The following SH3RF1 variants were observed in gnomAD, a reference collection of about 807,000 sequenced individuals.
SH3RF1 encodes the protein SH3 domain containing ring finger 1.
SH3RF1 carries 32 observed loss-of-function variants against 74.0 expected under a neutral mutation model. The ratio of observed to expected loss-of-function variants is 0.43; its 90% confidence interval spans 0.33 to 0.58. SH3RF1 has a LOEUF of 0.58. Ranked by LOEUF, SH3RF1 falls within the 20% of genes least tolerant of loss-of-function variation. The probability of loss-of-function intolerance (pLI) is 0.05; values close to 1 mark genes in which losing one functional copy is unlikely to be tolerated. For missense variants in SH3RF1, 954 were observed against 1,130.9 expected (o/e 0.84, Z 2.24); for synonymous variants, 396 against 439.6 (o/e 0.90, Z 1.24).
chr4:169,146,291 G>A (rs553485341), intron 4 of SH3RF1, among the ~76,000 whole-genome samples: 16 of 147,754 alleles, frequency 1.1e-4, no homozygotes, highest in Non-Finnish European at 1.6e-4. Flanking sequence ...GTGCAGTGGC[G>A]CTATCTCAGC....
chr4:169,136,565 A>G lies in SH3RF1; in HGVS notation c.821T>C (p.Val274Ala). The G allele has an allele frequency of 6.3e-7, 1 of 1,591,598 alleles. No homozygotes were observed. The change falls in exon 5 of 12, where the codon GTT becomes GCT. Residue 274 changes from valine (V) to alanine (A), a missense_variant. Val to Ala is a moderately conservative substitution (Grantham distance 64, BLOSUM62 0). Around this residue, in one of 3 missense-constraint regions of SH3RF1, gnomAD observed 854 missense variants for 962.5 expected, o/e 0.89. Transcript: ENST00000284637. ...TGCCGAGGAACATTCTCCAGCATCA[A>G]CTCCTGGCACAGGAGGCTTATCCCA... ...IEWDKPPVPGVDAGECSSAAA... is the reference protein window; with the variant it reads ...IEWDKPPVPGADAGECSSAAA...
intron 2 of SH3RF1, among the ~76,000 whole-genome samples, chr4:169,191,001 A>G (rs1458898851): frequency 6.6e-6 from 1 of 152,182 alleles, no homozygotes; most frequent in Non-Finnish European, 1.5e-5. Context: ...ATGCAGAAAA[A>G]GCATTCGACA....
intron 2 of SH3RF1, among the ~76,000 whole-genome samples, chr4:169,184,145 C>T (rs931955396): frequency 6.6e-6 from 1 of 152,214 alleles, no homozygotes; most frequent in Admixed American, 6.5e-5. Context: ...GGCACTCCCA[C>T]CGGCAGGCTT....
intron 4 of SH3RF1, among the ~76,000 whole-genome samples, chr4:169,153,345 A>G (rs1025499200): frequency 2.6e-5 from 4 of 152,204 alleles, no homozygotes; most frequent in African/African-American, 9.7e-5. Context: ...AATACCTAAC[A>G]CTGATGGAGA....
chr4:169,268,710 T>C, intron 2 of SH3RF1, 110 bp downstream of exon 2: 38 of 1,213,782 alleles, frequency 3.1e-5, no homozygotes, highest in Non-Finnish European at 4.1e-5. Flanking sequence ...TTCCAGTATG[T>C]ATGGTTTCCT....
Position 169,146,232 on chromosome 4 carries a change from C to CATT in SH3RF1, c.765+9247_765+9248insAAT, listed in dbSNP as rs1554005769. Among the ~76,000 whole-genome samples the CATT allele has an allele frequency of 7.6e-4, 101 of 132,608 alleles. 2 individuals carry two copies. Among genetic ancestry groups the CATT allele is most frequent in the South Asian group, 4.8e-3 (21 of 4,402 alleles). The allele number at this position is 132,608 out of a possible 152,430, so 87.0% of individuals were successfully genotyped here. ...ATATATTATATGTTTTATATATATA[C>CATT]TTTTTTTTTTTTTTTGAGACCAAGT... On this transcript the variant is annotated intron_variant, in intron 4 of 11. Coordinates refer to ENST00000284637, the MANE Select transcript of SH3RF1 (RefSeq NM_020870.4).
Position 169,096,434 on chromosome 4 carries a change from GT to G in SH3RF1, c.*84del, listed in dbSNP as rs1447512468. 1.4e-6 allele frequency: 2 copies of G among 1,441,890 alleles called. No homozygotes were observed. The highest frequency in any genetic ancestry group is 2.9e-5 in the African/African-American group (2 of 69,124). 89.3% of individuals were successfully genotyped at this position (1,441,890 alleles called of 1,614,324 possible). A position where few individuals can be genotyped will look rare whatever the true frequency, so the allele number is the denominator to read the frequency against. On this transcript the variant is annotated 3_prime_UTR_variant, in exon 12 of 12. Transcript: ENST00000284637. ...TTGCTCATCTCCTGACCATCTGGAA[GT>G]CCACAAATGTGCTCTTTCTGTTAAA...
At chr4:169,203,796 G>T (rs1734949788) in intron 2 of SH3RF1, among the ~76,000 whole-genome samples, 1 of 152,156 alleles carries the variant, frequency 6.6e-6, no homozygotes, top group South Asian at 2.1e-4. Flanking sequence ...CTCCCTACAA[G>T]ATACTAGAGA....
At chr4:169,136,936 G>T (rs1361445130) in intron 4 of SH3RF1, among the ~76,000 whole-genome samples, 1 of 152,148 alleles carries the variant, frequency 6.6e-6, no homozygotes. Context: ...ATTTATTTCA[G>T]CTCACTGTGA....
At chr4:169,115,809 A>G (rs541608219) in intron 10 of SH3RF1, among the ~76,000 whole-genome samples, 2 of 152,334 alleles carry the variant, frequency 1.3e-5, no homozygotes, top group South Asian at 4.1e-4. Context: ...TCCATAAGTA[A>G]CACTTTTGAT....
Position 169,268,873 on chromosome 4 carries a change from T to C in SH3RF1, c.340A>G (p.Ser114Gly). 1 of 1,612,288 alleles carries C rather than the reference T, an allele frequency of 6.2e-7. No individual in the cohort carries two copies. The highest frequency in any genetic ancestry group is 1.3e-5 in the African/African-American group (1 of 75,010). ...VANCSSKDLQ[S>G]SQGGQQPRVQ... ...CGAGGCTGCTGTCCGCCCTGGGAGC[T>C]CTGCAGATCTTTTGAGCTACAATTA... Residue 114 changes from serine to glycine, a missense_variant, in exon 2 of 12, where the codon AGC (serine) becomes GGC (glycine). Transcript: ENST00000284637.
intron 10 of SH3RF1, among the ~76,000 whole-genome samples, chr4:169,109,738 A>T (rs886303229): frequency 2.0e-5 from 3 of 152,198 alleles, no homozygotes; most frequent in African/African-American, 7.2e-5. Flanking sequence ...GGCTGGGCAC[A>T]GTGGCTCACA....
At chr4:169,161,328 G>C (rs894191662) in intron 2 of SH3RF1, among the ~76,000 whole-genome samples, 52 of 152,242 alleles carry the variant, frequency 3.4e-4, no homozygotes, top group Non-Finnish European at 1.5e-5. Context: ...TATGATAGTG[G>C]GCCAGCTTTA....
intron 2 of SH3RF1, among the ~76,000 whole-genome samples, chr4:169,264,088 C>T (rs1299169873): frequency 1.3e-5 from 2 of 152,174 alleles, no homozygotes; most frequent in African/African-American, 2.4e-5. Flanking sequence ...AGTATGTCTA[C>T]AGTCAGAGTA....
intron 2 of SH3RF1, among the ~76,000 whole-genome samples, chr4:169,241,208 C>T (rs934214787): frequency 3.0e-4 from 45 of 152,220 alleles, no homozygotes; most frequent in Admixed American, 5.2e-4. Flanking sequence ...CCAGCCTGGG[C>T]GACAGAGCGA....
chr4:169,140,985 C>CTT (rs35916240), intron 4 of SH3RF1, among the ~76,000 whole-genome samples: 2 of 132,628 alleles, frequency 1.5e-5, no homozygotes, highest in South Asian at 2.4e-4. Context: ...TTTTTCTTTT[C>CTT]TTTTTTTTTT....
intron 2 of SH3RF1, among the ~76,000 whole-genome samples, chr4:169,180,182 T>G (rs1165403708): frequency 6.6e-6 from 1 of 152,250 alleles, no homozygotes; most frequent in Admixed American, 6.5e-5. Flanking sequence ...TAACTGATTC[T>G]TTCCTTTCCA....
rs1305757622 is a variant in SH3RF1, at chr4:169,118,487, A to C, written c.1518-705T>G. Among the ~76,000 whole-genome samples, 4 of 152,260 alleles carry C rather than the reference A, an allele frequency of 2.6e-5. 1 individual carries two copies. The East Asian group carries it at 7.7e-4, about 29-fold the overall frequency. On this transcript the variant is annotated intron_variant, in intron 8 of 11. Coordinates refer to ENST00000284637, the MANE Select transcript of SH3RF1 (RefSeq NM_020870.4). ...AGTAGTAGTATTTTTTTTGAGACAG[A>C]GTCTCACTGTTGCCCAGGCTGGAGT... is the stretch of plus-strand genomic sequence containing the variant.
intron 2 of SH3RF1, among the ~76,000 whole-genome samples, chr4:169,195,041 T>G (rs1419198905): frequency 6.6e-6 from 1 of 152,248 alleles, no homozygotes; most frequent in Non-Finnish European, 1.5e-5. Flanking sequence ...TTTTGATCTT[T>G]CATCTGAGAT....
Sources: gnomAD v4.1 joint callset for allele counts (sites outside exome capture counted in the v4.1 genomes callset) on GRCh38, gnomAD v4.1.1 for gene constraint, gnomAD v4.1.1 regional missense constraint, MANE v1.5 for transcripts, NCBI Gene and HGNC (gene_info 2026-07-23, HGNC 2026-07-21) for gene names.